ARNT2: variants seen among roughly 807,000 people sequenced by gnomAD.
ARNT2 encodes the protein ARNT protein 2.
A neutral mutation model predicts 91.7 loss-of-function variants in ARNT2; 36 were observed. The ratio of observed to expected loss-of-function variants is 0.39; its 90% CI spans 0.30 to 0.52. The LOEUF (loss-of-function observed/expected upper bound fraction) is 0.52. ARNT2 is among the 20% of genes least tolerant of loss of function. ARNT2 has a pLI of 0.72. For synonymous variants in ARNT2, 365 were observed against 347.1 expected, an observed-to-expected ratio of 1.05 and a Z score of -0.57; for missense variants, 775 against 939.3, an observed-to-expected ratio of 0.83 and a Z score of 2.29.
Position 80,596,821 on chromosome 15 carries a change from G to A in ARNT2, c.*3123G>A, listed in dbSNP as rs747002862. ...AGTGACAACCCGGGCCGGCAGCAAGGACACAGATGCAGCCACAGTAAGGCT... is the reference window on the plus strand; with the variant it reads ...AGTGACAACCCGGGCCGGCAGCAAGAACACAGATGCAGCCACAGTAAGGCT... On this transcript the variant is annotated 3_prime_UTR_variant, in exon 19 of 19. Coordinates refer to ENST00000303329, the MANE Select transcript of ARNT2 (RefSeq NM_014862.4). 1.1e-5 allele frequency: 3 copies of A among 275,678 alleles called. No individual in the cohort carries two copies. Among genetic ancestry groups the A allele is most frequent in the Non-Finnish European group, 2.2e-5 (3 of 138,182 alleles). 17.1% of individuals were successfully genotyped at this position (275,678 alleles called of 1,614,324 possible). A position where few individuals can be genotyped will look rare whatever the true frequency, so the allele number is the denominator to read the frequency against.
chr15:80,514,421 T>C lies in ARNT2; in HGVS notation c.877+16T>C. On this transcript the variant is annotated intron_variant, in intron 8 of 18. Coordinates refer to ENST00000303329, the MANE Select transcript of ARNT2 (RefSeq NM_014862.4). ...CCACCAGCAGGTAAGGAGACCTGCA[T>C]GTAAATTCCACGGGAACTGGGTGCT... is the stretch of plus-strand genomic sequence containing the variant. 6.2e-7 allele frequency: 1 copy of C among 1,610,494 alleles called. No individual in the cohort carries two copies. The highest frequency in any genetic ancestry group is 2.2e-5 in the East Asian group (1 of 44,856).
At chr15:80,431,574 C>T (rs543451202) in intron 1 of ARNT2, among the ~76,000 whole-genome samples, 157 of 152,268 alleles carry the variant, frequency 1.0e-3, no homozygotes, top group African/African-American at 3.6e-3. Flanking sequence ...GGGAGTGGGC[C>T]GGAAGATAGT....
intron 4 of ARNT2, among the ~76,000 whole-genome samples, chr15:80,473,590 A>C (rs985133783): frequency 6.6e-6 from 1 of 152,212 alleles, no homozygotes; most frequent in African/African-American, 2.4e-5. Flanking sequence ...TTAAGCATCT[A>C]GGTGACGCAG....
intron 1 of ARNT2, among the ~76,000 whole-genome samples, chr15:80,413,991 A>T (rs1342127866): frequency 6.6e-6 from 1 of 152,240 alleles, no homozygotes. Flanking sequence ...TGCCCTTTAT[A>T]GAGGTCAGTA....
intron 5 of ARNT2, among the ~76,000 whole-genome samples, chr15:80,502,485 G>A (rs193274624): frequency 1.3e-5 from 2 of 152,302 alleles, no homozygotes; most frequent in Admixed American, 1.3e-4. Context: ...CCCAGAGGTG[G>A]GAAGACAACA....
chr15:80,437,968 C>T (rs1896118077), intron 1 of ARNT2, among the ~76,000 whole-genome samples: 1 of 147,714 alleles, frequency 6.8e-6, no homozygotes, highest in Non-Finnish European at 1.5e-5. Context: ...CACAGAGTCT[C>T]TTTCTCTGTC....
chr15:80,520,723 CAT>C (rs1182987655), intron 8 of ARNT2, among the ~76,000 whole-genome samples: 1 of 152,078 alleles, frequency 6.6e-6, no homozygotes, highest in African/African-American at 2.4e-5. Flanking sequence ...TACAGTTTTT[CAT>C]ATACTGACCA....
intron 16 of ARNT2, 21 bp downstream of exon 16, chr15:80,580,570 A>G: frequency 6.2e-7 from 1 of 1,613,386 alleles, no homozygotes; most frequent in Non-Finnish European, 8.5e-7. Flanking sequence ...CTGTGAGGGC[A>G]TCTCCCCTGG....
intron 8 of ARNT2, 30 bp from the exon 9 acceptor site, chr15:80,551,169 T>G: frequency 1.3e-6 from 2 of 1,598,002 alleles, no homozygotes. Flanking sequence ...TTGGGCATAT[T>G]GTTGATGACA....
intron 1 of ARNT2, among the ~76,000 whole-genome samples, chr15:80,444,020 C>T (rs1313168469): frequency 6.6e-6 from 1 of 152,218 alleles, no homozygotes; most frequent in Admixed American, 6.5e-5. Context: ...GTTCATGTTT[C>T]TATGCTGCAC....
intron 12 of ARNT2, among the ~76,000 whole-genome samples, chr15:80,571,939 A>G (rs1898591238): frequency 6.6e-6 from 1 of 152,172 alleles, no homozygotes; most frequent in Non-Finnish European, 1.5e-5. Flanking sequence ...GGGGTGAAGT[A>G]ACCACTCTGA....
intron 4 of ARNT2, among the ~76,000 whole-genome samples, chr15:80,471,872 G>A (rs1311704502): frequency 6.6e-6 from 1 of 152,050 alleles, no homozygotes; most frequent in South Asian, 2.1e-4. Context: ...AAGAAGAAAC[G>A]CACAAAATGG....
intron 7 of ARNT2, 42 bp from the exon 8 acceptor site, chr15:80,514,278 C>A (rs752006880): frequency 6.3e-7 from 1 of 1,599,304 alleles, no homozygotes; most frequent in Non-Finnish European, 8.6e-7. Flanking sequence ...CCTTGCCTCA[C>A]CCTCATGTGA....
At chr15:80,418,969 A>T (rs1446194689) in intron 1 of ARNT2, among the ~76,000 whole-genome samples, 1 of 152,192 alleles carries the variant, frequency 6.6e-6, no homozygotes, top group African/African-American at 2.4e-5. Flanking sequence ...AGAATGACAG[A>T]GTCTGTGCCT....
chr15:80,520,515 C>G (rs143001825), intron 8 of ARNT2, among the ~76,000 whole-genome samples: 1 of 151,890 alleles, frequency 6.6e-6, no homozygotes, highest in Non-Finnish European at 1.5e-5. Flanking sequence ...ATACTGTGCA[C>G]CTAGACATTT....
intron 5 of ARNT2, among the ~76,000 whole-genome samples, chr15:80,501,233 A>C (rs1219882860): frequency 1.3e-5 from 2 of 152,030 alleles, no homozygotes; most frequent in Non-Finnish European, 2.9e-5. Flanking sequence ...AAACAAAGTA[A>C]AAGTCTAATA....
rs752406581 is a variant in ARNT2, at chr15:80,593,708, G to C, written c.*10G>C. On this transcript the variant is annotated 3_prime_UTR_variant, in exon 19 of 19. Coordinates refer to ENST00000303329, the MANE Select transcript of ARNT2 (RefSeq NM_014862.4). Reference sequence around the variant, plus strand: ...ACCGTTTTCTGAGTAGCTGCGGCCAGAGTGAGGCTCCTGCTGTACAGTGCC... The same window carrying C: ...ACCGTTTTCTGAGTAGCTGCGGCCACAGTGAGGCTCCTGCTGTACAGTGCC... 1.9e-6 allele frequency: 3 copies of C among 1,593,452 alleles called. No individual in the cohort carries two copies. In the South Asian group the frequency reaches 3.4e-5, roughly 18 times the overall value.
intron 8 of ARNT2, among the ~76,000 whole-genome samples, chr15:80,550,573 G>A (rs2141455506): frequency 6.6e-6 from 1 of 152,292 alleles, no homozygotes; most frequent in African/African-American, 2.4e-5. Flanking sequence ...GACCCACATT[G>A]GACCAAACAG....
At chr15:80,479,384 G>A (rs1347610716) in intron 5 of ARNT2, among the ~76,000 whole-genome samples, 1 of 152,216 alleles carries the variant, frequency 6.6e-6, no homozygotes. Context: ...GATGTGACTT[G>A]TCATGATCTG....
Sources: allele counts gnomAD v4.1 joint callset (sites outside exome capture counted in the v4.1 genomes callset), GRCh38; gene constraint gnomAD v4.1.1; transcripts MANE v1.5; gene names NCBI Gene and HGNC (gene_info 2026-07-23, HGNC 2026-07-21).